The following KLHL4 variants were observed in gnomAD, a reference collection of about 807,000 sequenced individuals.
KLHL4 encodes the protein kelch-like protein 4.
A neutral mutation model predicts 45.8 loss-of-function variants in KLHL4; 17 were observed. The ratio of observed to expected loss-of-function variants is 0.37; its 90% CI spans 0.25 to 0.56. KLHL4 has a LOEUF of 0.56. Ranked by LOEUF, KLHL4 falls within the 20% of genes least tolerant of loss-of-function variation. The pLI is 0.79. For synonymous variants in KLHL4, 224 were observed against 189.9 expected (o/e 1.18, Z -1.47); for missense variants, 544 against 544.9 (o/e 1.00, Z 0.02).
Position 87,541,071 on chromosome X carries a change from G to T in KLHL4, c.422+22756G>T, listed in dbSNP as rs1016627359. Among the ~76,000 whole-genome samples, 22 of 110,691 alleles carry T rather than the reference G, an allele frequency of 2.0e-4. No homozygotes were observed. In the Admixed American group the frequency reaches 2.1e-3, roughly 11 times the overall value. On this transcript the variant is annotated intron_variant, in intron 1 of 10. Transcript: ENST00000373119. The stretch of plus-strand genomic sequence containing the variant: ...TGAGTCCCCACCCAAATCTCACCTG[G>T]AATTGTAATCCCCATGTGTTGAGGG...
At chrX:87,527,508 T>C (rs1931136339) in intron 1 of KLHL4, among the ~76,000 whole-genome samples, 1 of 111,101 alleles carries the variant, frequency 9.0e-6, no homozygotes, top group Non-Finnish European at 1.9e-5. Flanking sequence ...TAGGAAACAG[T>C]TGGACCTGCA....
rs1922089913 is a variant in KLHL4, at chrX:87,603,659, T to C, written c.423-10218T>C. 3.6e-5 allele frequency among the ~76,000 whole-genome samples: 4 copies of C among 111,325 alleles called. No individual in the cohort carries two copies. The Admixed American group carries it at 3.8e-4, about 11-fold the overall frequency. On this transcript the variant is annotated intron_variant, in intron 1 of 10. Coordinates refer to ENST00000373119, the MANE Select transcript of KLHL4 (RefSeq NM_019117.5). ...TATAATGATCAAATCATGATATTTATATGCATCATTATTATGCATGATATT... is the reference window on the plus strand; with the variant it reads ...TATAATGATCAAATCATGATATTTACATGCATCATTATTATGCATGATATT...
chrX:87,643,440 C>T (rs1392562010), intron 9 of KLHL4, among the ~76,000 whole-genome samples: 1 of 110,887 alleles, frequency 9.0e-6, no homozygotes, highest in Non-Finnish European at 1.9e-5. Flanking sequence ...AAAAAAAGTC[C>T]AGGACCAGAC....
At chrX:87,625,830 A>G (rs995150730) in intron 6 of KLHL4, 34 bp downstream of exon 6, 1 of 1,085,382 alleles carries the variant, frequency 9.2e-7, no homozygotes, top group Non-Finnish European at 1.3e-6. Context: ...CATTCAAAAA[A>G]GATACATTCT....
intron 1 of KLHL4, among the ~76,000 whole-genome samples, chrX:87,571,819 T>C (rs1022388635): frequency 1.3e-4 from 14 of 111,132 alleles, no homozygotes; most frequent in Admixed American, 2.9e-4. Context: ...TATTTATCCC[T>C]AATGGATTTG....
At chrX:87,595,513 T>C (rs6652461) in intron 1 of KLHL4, among the ~76,000 whole-genome samples, 24,243 of 110,949 alleles carry the variant, frequency 0.22, 2,007 homozygotes, top group South Asian at 0.31. Context: ...TCTTAAGTTG[T>C]CTCATTCATT....
Position 87,666,705 on chromosome X carries a change from G to T in KLHL4, c.*171G>T, listed in dbSNP as rs373423548. The T allele has an allele frequency of 1.8e-5, 18 of 976,703 alleles. No homozygotes were observed. In the East Asian group the frequency reaches 4.8e-4, roughly 26 times the overall value. 80.5% of individuals were successfully genotyped at this position (976,703 alleles called of 1,213,427 possible). A position where few individuals can be genotyped will look rare whatever the true frequency, so the allele number is the denominator to read the frequency against. On this transcript the variant is annotated 3_prime_UTR_variant, in exon 11 of 11. Coordinates refer to ENST00000373119, the MANE Select transcript of KLHL4 (RefSeq NM_019117.5). ...TTGCTTTCATTCGTGAAGCCGAAAC[G>T]TTTTTAAACATGAATTACATATGAA...
rs1220745485 is a variant in KLHL4, at chrX:87,568,198, A to G, written c.423-45679A>G. 3.7e-5 allele frequency among the ~76,000 whole-genome samples: 4 copies of G among 109,136 alleles called. No individual in the cohort carries two copies. The East Asian group carries it at 8.7e-4, about 24-fold the overall frequency. 94.8% of individuals were successfully genotyped at this position (109,136 alleles called of 115,157 possible). On this transcript the variant is annotated intron_variant, in intron 1 of 10. Transcript: ENST00000373119. ...TAAGAAGGGGAGAAAATGGGGCTTT[A>G]TTGTTATTATAATAAAAAATGCATT...
chrX:87,582,708 G>C (rs994616095), intron 1 of KLHL4, among the ~76,000 whole-genome samples: 5 of 112,038 alleles, frequency 4.5e-5, no homozygotes, highest in Non-Finnish European at 7.5e-5. Context: ...TGTGTCCAGA[G>C]TTGGTTCCTT....
chrX:87,524,886 C>T (rs1407195499), intron 1 of KLHL4, among the ~76,000 whole-genome samples: 1 of 111,448 alleles, frequency 9.0e-6, no homozygotes, highest in African/African-American at 3.3e-5. Context: ...AATATTTTAG[C>T]AAGGGTTATC....
At chrX:87,528,300 T>C (rs562939071) in intron 1 of KLHL4, among the ~76,000 whole-genome samples, 1 of 111,347 alleles carries the variant, frequency 9.0e-6, no homozygotes, top group East Asian at 2.8e-4. Flanking sequence ...CAGAAGAAAG[T>C]ATTTCTGAAC....
chrX:87,613,786 CCA>C, intron 1 of KLHL4, 89 bp from the exon 2 acceptor site: 2 of 604,206 alleles, frequency 3.3e-6, no homozygotes, highest in Admixed American at 9.0e-5. Context: ...GCCTAAATTT[CCA>C]CTACATGTTT....
intron 1 of KLHL4, among the ~76,000 whole-genome samples, chrX:87,572,800 A>C (rs1469137068): frequency 1.0e-5 from 1 of 97,937 alleles, no homozygotes. Context: ...ATAATAAAAA[A>C]AAAAAACTAG....
rs1253933859 is a variant in KLHL4 at position 87,654,782 on chromosome X, T to G, written c.1926-9982T>G. ...CACCAACAGTGTGTAAGTGTTCCCTTTTCTCTGCATCTTTGCCAACATCTG... is the reference window on the plus strand; with the variant it reads ...CACCAACAGTGTGTAAGTGTTCCCTGTTCTCTGCATCTTTGCCAACATCTG... On this transcript the variant is annotated intron_variant, in intron 9 of 10. Coordinates refer to ENST00000373119, the MANE Select transcript of KLHL4 (RefSeq NM_019117.5). 3.6e-5 allele frequency among the ~76,000 whole-genome samples: 4 copies of G among 112,087 alleles called. No individual in the cohort carries two copies. In the Admixed American group the frequency reaches 3.8e-4, roughly 11 times the overall value.
chrX:87,668,004 C>T lies in KLHL4; in HGVS notation c.*1470C>T. 1 of 728,385 alleles carries T rather than the reference C, an allele frequency of 1.4e-6. No homozygotes were observed. The highest frequency in any genetic ancestry group is 7.0e-5 in the South Asian group (1 of 14,274). The allele number at this position is 728,385 out of a possible 1,213,427, so 60.0% of individuals were successfully genotyped here. A position where few individuals can be genotyped will look rare whatever the true frequency, so the allele number is the denominator to read the frequency against. On this transcript the variant is annotated 3_prime_UTR_variant, in exon 11 of 11. Coordinates refer to ENST00000373119, the MANE Select transcript of KLHL4 (RefSeq NM_019117.5). ...TTTTGATTTTACATTTCCTATATCA[C>T]TAAAATACTTAAACACAAAAATAAA... is the stretch of plus-strand genomic sequence containing the variant.
Position 87,525,113 on chromosome X carries a change from A to G in KLHL4, c.422+6798A>G, listed in dbSNP as rs144051036. On this transcript the variant is annotated intron_variant, in intron 1 of 10. Transcript: ENST00000373119. ...AGAAGTTAGCTAAAGTTCTGATAAC[A>G]TCTAGTAACTACATGCAGTATCAAA... 3.6e-3 allele frequency among the ~76,000 whole-genome samples: 402 copies of G among 112,169 alleles called. 6 individuals are homozygous for G. The South Asian group carries it at 0.049, about 14-fold the overall frequency.
At position 87,592,454 on chromosome X, in the gene KLHL4, C is replaced by T. The variant is rs1921703335; in HGVS notation, c.423-21423C>T. The stretch of plus-strand genomic sequence containing the variant: ...ACAGCCATACTGTGCTTCATAGTGA[C>T]TTACTAATTTACATTCCCACCAACA... On this transcript the variant is annotated intron_variant, in intron 1 of 10. Coordinates refer to ENST00000373119, the MANE Select transcript of KLHL4 (RefSeq NM_019117.5). Among the ~76,000 whole-genome samples the T allele has an allele frequency of 2.7e-5, 3 of 111,543 alleles. No homozygotes were observed. The South Asian group carries it at 1.1e-3, about 42-fold the overall frequency.
chrX:87,631,262 G>A (rs1569357453), intron 6 of KLHL4, among the ~76,000 whole-genome samples: 2 of 111,750 alleles, frequency 1.8e-5, no homozygotes, highest in East Asian at 2.8e-4. Flanking sequence ...CCCCAAGGTA[G>A]CCCTTTCCTA....
intron 1 of KLHL4, among the ~76,000 whole-genome samples, chrX:87,583,660 T>A (rs1194570852): frequency 9.0e-6 from 1 of 111,420 alleles, no homozygotes; most frequent in Non-Finnish European, 1.9e-5. Context: ...GGTCCCTAAA[T>A]AACCAGAAGC....
Sources: gnomAD v4.1 joint callset for allele counts (sites outside exome capture counted in the v4.1 genomes callset) on GRCh38, gnomAD v4.1.1 for gene constraint, MANE v1.5 for transcripts, NCBI Gene and HGNC (gene_info 2026-07-23, HGNC 2026-07-21) for gene names.